Variants in LRMDA observed in about 807,000 individuals in gnomAD.
LRMDA encodes the protein leucine rich melanocyte differentiation associated.
A neutral mutation model predicts 29.8 loss-of-function variants in LRMDA; 18 were observed. That is an observed-to-expected ratio of 0.60 (90% CI 0.42 to 0.90). The LOEUF (loss-of-function observed/expected upper bound fraction) is 0.90, where lower values mean the gene tolerates loss of function less well. Ranked by LOEUF, LRMDA falls within the 40% of genes least tolerant of loss-of-function variation. The pLI is 0.00. For synonymous variants in LRMDA, 125 were observed against 109.4 expected, an observed-to-expected ratio of 1.14 and a Z score of -0.89; for missense variants, 273 against 273.9, an observed-to-expected ratio of 1.00 and a Z score of 0.02.
chr10:76,364,428 G>T (rs185063598), intron 6 of LRMDA, among the ~76,000 whole-genome samples: 38 of 152,146 alleles, frequency 2.5e-4, no homozygotes, highest in Admixed American at 5.9e-4. Flanking sequence ...GCTATCCTAG[G>T]GGTGGTTATT....
At chr10:76,083,874 G>C (rs1161660369) in intron 5 of LRMDA, among the ~76,000 whole-genome samples, 1 of 151,832 alleles carries the variant, frequency 6.6e-6, no homozygotes, top group African/African-American at 2.4e-5. Context: ...ATCTTGTGGG[G>C]AAGAAGTTGG....
At chr10:75,991,828 C>T (rs1313672821) in intron 2 of LRMDA, among the ~76,000 whole-genome samples, 1 of 152,182 alleles carries the variant, frequency 6.6e-6, no homozygotes, top group African/African-American at 2.4e-5. Context: ...GATACTGAGG[C>T]CACACCACAC....
chr10:76,119,523 G>A (rs1485419849), intron 5 of LRMDA, among the ~76,000 whole-genome samples: 1 of 152,100 alleles, frequency 6.6e-6, no homozygotes, highest in Non-Finnish European at 1.5e-5. Flanking sequence ...GTGAAAACTG[G>A]GTTTTCTGCC....
intron 5 of LRMDA, among the ~76,000 whole-genome samples, chr10:76,172,505 A>C (rs1056905854): frequency 1.3e-5 from 2 of 152,196 alleles, no homozygotes; most frequent in Non-Finnish European, 2.9e-5. Flanking sequence ...CCAGGGAAGA[A>C]TACCAGAAAG....
intron 5 of LRMDA, among the ~76,000 whole-genome samples, chr10:76,243,239 A>G (rs1457557062): frequency 1.3e-5 from 2 of 152,204 alleles, no homozygotes; most frequent in African/African-American, 4.8e-5. Context: ...AATTTACTAC[A>G]GAGTTCGAGG....
chr10:76,398,960 G>A (rs1253329289), intron 6 of LRMDA, among the ~76,000 whole-genome samples: 3 of 152,150 alleles, frequency 2.0e-5, no homozygotes, highest in African/African-American at 7.2e-5. Flanking sequence ...TTGTGTTTAT[G>A]TTAATAAAGT....
intron 6 of LRMDA, among the ~76,000 whole-genome samples, chr10:76,472,499 C>T (rs755656635): frequency 2.6e-5 from 4 of 151,140 alleles, no homozygotes; most frequent in Admixed American, 6.6e-5. Context: ...CACCTTAAGA[C>T]AGTAGAAAAA....
intron 2 of LRMDA, among the ~76,000 whole-genome samples, chr10:75,793,077 G>C (rs1040015613): frequency 6.6e-6 from 1 of 152,196 alleles, no homozygotes; most frequent in Non-Finnish European, 1.5e-5. Flanking sequence ...ATTCCACACA[G>C]GGAAAACCAC....
chr10:76,532,403 A>T (rs60360383), intron 6 of LRMDA, among the ~76,000 whole-genome samples: 1 of 152,102 alleles, frequency 6.6e-6, no homozygotes, highest in Non-Finnish European at 1.5e-5. Flanking sequence ...TCCTTTATAC[A>T]TTTATTTATT....
intron 5 of LRMDA, among the ~76,000 whole-genome samples, chr10:76,232,677 A>G (rs1437299122): frequency 6.6e-6 from 1 of 152,202 alleles, no homozygotes; most frequent in African/African-American, 2.4e-5. Flanking sequence ...TCTGGCTTAC[A>G]CACTGGTTCC....
chr10:75,611,730 C>T (rs1265233754), intron 2 of LRMDA, among the ~76,000 whole-genome samples: 1 of 152,228 alleles, frequency 6.6e-6, no homozygotes, highest in Non-Finnish European at 1.5e-5. Flanking sequence ...TGCTCCCCTT[C>T]TCTGGGTGGA....
At chr10:75,584,524 T>C (rs1317680299) in intron 2 of LRMDA, among the ~76,000 whole-genome samples, 1 of 152,134 alleles carries the variant, frequency 6.6e-6, no homozygotes, top group African/African-American at 2.4e-5. Flanking sequence ...TTTAGGTGGA[T>C]GTGTGGATGG....
intron 2 of LRMDA, among the ~76,000 whole-genome samples, chr10:75,683,265 G>A (rs1589156601): frequency 6.6e-6 from 1 of 152,294 alleles, no homozygotes; most frequent in African/African-American, 2.4e-5. Context: ...CTCATGGTAG[G>A]ATAAATAGCT....
intron 6 of LRMDA, among the ~76,000 whole-genome samples, chr10:76,334,772 G>A (rs754768502): frequency 3.3e-5 from 5 of 152,132 alleles, no homozygotes; most frequent in Non-Finnish European, 7.4e-5. Flanking sequence ...CACTGCAGGG[G>A]CCTGTTGCTG....
chr10:76,389,490 T>C (rs756879753), intron 6 of LRMDA, among the ~76,000 whole-genome samples: 13 of 152,172 alleles, frequency 8.5e-5, no homozygotes, highest in Non-Finnish European at 1.8e-4. Context: ...AAACTTAAAA[T>C]TCACCATTTA....
At chr10:76,020,750 C>G (rs1847961388) in intron 2 of LRMDA, among the ~76,000 whole-genome samples, 1 of 152,196 alleles carries the variant, frequency 6.6e-6, no homozygotes, top group Non-Finnish European at 1.5e-5. Context: ...AGCGAGAGCC[C>G]CCACTGCTGT....
chr10:76,106,891 A>G (rs1849495034), intron 5 of LRMDA, among the ~76,000 whole-genome samples: 1 of 152,190 alleles, frequency 6.6e-6, no homozygotes, highest in African/African-American at 2.4e-5. Flanking sequence ...AGTCCTGATC[A>G]TGTCCATTCT....
chr10:76,096,541 G>A (rs1049445035), intron 5 of LRMDA, among the ~76,000 whole-genome samples: 1 of 152,070 alleles, frequency 6.6e-6, no homozygotes, highest in East Asian at 1.9e-4. Context: ...AAATCAAGTA[G>A]TAGAAGTCCT....
chr10:75,671,364 C>T (rs1444332977), intron 2 of LRMDA, among the ~76,000 whole-genome samples: 1 of 152,128 alleles, frequency 6.6e-6, no homozygotes, highest in Non-Finnish European at 1.5e-5. Context: ...CCAGATATCT[C>T]CAGGGATTCC....
Sources: gnomAD v4.1 joint callset for allele counts (sites outside exome capture counted in the v4.1 genomes callset) on GRCh38, gnomAD v4.1.1 for gene constraint, MANE v1.5 for transcripts, NCBI Gene and HGNC (gene_info 2026-07-23, HGNC 2026-07-21) for gene names.